TAP1: variants seen among roughly 807,000 people sequenced by gnomAD.
TAP1 encodes the protein transporter 1, ATP binding cassette subfamily B member.
Under a neutral mutation model 79.3 loss-of-function variants are expected in TAP1, and 56 were observed. The observed-to-expected ratio is 0.71, with a 90% confidence interval of 0.57 to 0.88. TAP1 has a LOEUF of 0.88. TAP1 is among the 40% of genes least tolerant of loss of function. The pLI is 0.00. For synonymous variants in TAP1, 355 were observed against 401.4 expected, an observed-to-expected ratio of 0.88 and a Z score of 1.38; for missense variants, 737 against 936.3, an observed-to-expected ratio of 0.79 and a Z score of 2.78.
At position 32,850,073 on chromosome 6, in the gene TAP1, A is replaced by G. The variant is rs1430747359; in HGVS notation, c.1248+247T>C. ...AAGGCCCTAGGACTGGAAGACACGCATCTCTCCAATCCACATGGTTGGGTG... is the reference window on the plus strand; with the variant it reads ...AAGGCCCTAGGACTGGAAGACACGCGTCTCTCCAATCCACATGGTTGGGTG... On this transcript the variant is annotated intron_variant, in intron 5 of 10. Coordinates refer to ENST00000354258, the MANE Select transcript of TAP1 (RefSeq NM_000593.6). The surrounding 1 kb of genome is among the most constrained non-coding windows in gnomAD (Gnocchi z 5.5). 13 of 599,812 alleles carry G rather than the reference A, an allele frequency of 2.2e-5. No individual in the cohort carries two copies. In the Admixed American group the frequency reaches 3.3e-4, roughly 15 times the overall value. The allele number at this position is 599,812 out of a possible 1,614,324, so 37.2% of individuals were successfully genotyped here.
Position 32,853,516 on chromosome 6 carries a change from G to T in TAP1, c.121C>A (p.Pro41Thr), listed in dbSNP as rs773802242. 1 of 1,609,632 alleles carries T rather than the reference G, an allele frequency of 6.2e-7. No individual in the cohort carries two copies. The highest frequency in any genetic ancestry group is 1.7e-5 in the Admixed American group (1 of 59,894). ...GGCACCAGCAGGGAGAATATGCGGG[G>T]CAGCGCGGTCCGGAGCAGCACCCAG... ...ADWVLLRTAL[P>T]RIFSLLVPTA... Residue 41 changes from proline to threonine, a missense_variant, in exon 1 of 11, where the codon CCC (proline) becomes ACC (threonine). Pro to Thr is a conservative substitution (Grantham distance 38). This residue lies in a region of TAP1 where 45 missense variants were observed against 60.2 expected (regional missense o/e 0.75). Transcript: ENST00000354258. The surrounding 1 kb of genome is among the most constrained non-coding windows in gnomAD (Gnocchi z 8.3).
Position 32,849,051 on chromosome 6 carries a change from A to G in TAP1, c.1316T>C (p.Val439Ala). ...IGGQLVTSGA[V>A]SSGNLVTFVL... ...AAATGTGACAAGGTTCCCACTGCTT[A>G]CAGCCCCACTGGTCACCAGCTGCCC... The change falls in exon 6 of 11, where the codon GTA (valine) becomes GCA (alanine). Residue 439 changes from valine (V) to alanine (A), a missense_variant. Physicochemically the swap from Val to Ala is moderately conservative, Grantham distance 64 (BLOSUM62 0). Coordinates refer to ENST00000354258, the MANE Select transcript of TAP1 (RefSeq NM_000593.6). 2 of 1,604,522 alleles carry G rather than the reference A, an allele frequency of 1.2e-6. No individual in the cohort carries two copies. Among genetic ancestry groups the G allele is most frequent in the Non-Finnish European group, 1.7e-6 (2 of 1,176,460 alleles).
At chr6:32,848,134 T>C (rs1562366040) in intron 7 of TAP1, 42 bp from the exon 8 acceptor site, 1 of 1,559,346 alleles carries the variant, frequency 6.4e-7, no homozygotes, top group South Asian at 1.2e-5. Flanking sequence ...TACCAAGGCC[T>C]CTAACCTTGA....
At position 32,848,887 on chromosome 6, in the gene TAP1, C is replaced by A. The variant is rs141581037; in HGVS notation, c.1378-47G>T. On this transcript the variant is annotated intron_variant, in intron 6 of 10. Transcript: ENST00000354258. ...GAAAGTGAGGTAGTCTGCTTGCCAGCATTATGTGAAGCAAGAAGGGTAAAG... is the reference window on the plus strand; with the variant it reads ...GAAAGTGAGGTAGTCTGCTTGCCAGAATTATGTGAAGCAAGAAGGGTAAAG... 7.0e-5 allele frequency: 113 copies of A among 1,612,882 alleles called. No homozygotes were observed. The East Asian group carries it at 2.5e-3, about 36-fold the overall frequency.
chr6:32,847,900 A>G lies in TAP1; in HGVS notation c.1740+19T>C. The G allele has an allele frequency of 6.2e-7, 1 of 1,613,096 alleles. No individual in the cohort carries two copies. Among genetic ancestry groups the G allele is most frequent in the Non-Finnish European group, 8.5e-7 (1 of 1,180,028 alleles). ...TATTTGATGCTCCCTGCCCTCCTTC[A>G]AGCCACCTGCTTCCATACCTGCCTG... is the stretch of plus-strand genomic sequence containing the variant. On this transcript the variant is annotated intron_variant, in intron 8 of 10. Coordinates refer to ENST00000354258, the MANE Select transcript of TAP1 (RefSeq NM_000593.6). This position sits in a 1 kb window ranked among gnomAD's most constrained non-coding sequence, Gnocchi z 4.7.
Position 32,850,343 on chromosome 6 carries a change from C to A in TAP1, c.1225G>T (p.Ala409Ser). The change falls in exon 5 of 11, where the codon GCA becomes TCA. Residue 409 changes from alanine (A) to serine (S), a missense_variant. By Grantham distance (99) the Ala-to-Ser change is moderately conservative (BLOSUM62 1). Transcript: ENST00000354258. The surrounding 1 kb of genome is among the most constrained non-coding windows in gnomAD (Gnocchi z 5.5). ...ACACTAGTGGTCCAGGAGTTGACTGCATAGGCCACAGCCTCCTTCTGGTTG... is the reference window on the plus strand; with the variant it reads ...ACACTAGTGGTCCAGGAGTTGACTGAATAGGCCACAGCCTCCTTCTGGTTG... ...TLNQKEAVAY[A>S]VNSWTTSISG... 1 of 1,614,268 alleles carries A rather than the reference C, an allele frequency of 6.2e-7. No individual in the cohort carries two copies. The highest frequency in any genetic ancestry group is 1.3e-5 in the African/African-American group (1 of 75,080).
In TAP1 at chr6:32,847,617, G is replaced by A. The variant is rs1770515237; in HGVS notation, c.1799C>T (p.Ala600Val). 6.2e-7 allele frequency: 1 copy of A among 1,614,018 alleles called. No individual in the cohort carries two copies. The highest frequency in any genetic ancestry group is 1.1e-5 in the South Asian group (1 of 91,068). The change falls in exon 9 of 11, where the codon GCC becomes GTC. Residue 600 changes from alanine to valine, a missense_variant. Transcript: ENST00000354258. This position sits in a 1 kb window ranked among gnomAD's most constrained non-coding sequence, Gnocchi z 4.7. ...VFGRSLQENI[A>V]YGLTQKPTME... Reference sequence around the variant, plus strand: ...AGTTGGCTTCTGGGTCAGGCCATAGGCAATATTTTCTTGAAGACTTCTTCC... The same window carrying A: ...AGTTGGCTTCTGGGTCAGGCCATAGACAATATTTTCTTGAAGACTTCTTCC...
rs770721925 is a variant in TAP1, at chr6:32,853,083, C to A, written c.554G>T (p.Arg185Leu). ...RLLGCLGSETRRLSLFLVLVV... is the reference protein window; with the variant it reads ...RLLGCLGSETLRLSLFLVLVV... Reference sequence around the variant, plus strand: ...CAGGACCAGGAACAGCGAGAGGCGGCGCGTCTCCGAGCCCAGGCAGCCTAG... The same window carrying A: ...CAGGACCAGGAACAGCGAGAGGCGGAGCGTCTCCGAGCCCAGGCAGCCTAG... The change falls in exon 1 of 11, where the codon CGC becomes CTC. Residue 185 changes from arginine (R) to leucine (L), a missense_variant. Coordinates refer to ENST00000354258, the MANE Select transcript of TAP1 (RefSeq NM_000593.6). This position sits in a 1 kb window ranked among gnomAD's most constrained non-coding sequence, Gnocchi z 8.3. The A allele has an allele frequency of 5.6e-6, 9 of 1,612,436 alleles. No homozygotes were observed. Among genetic ancestry groups the A allele is most frequent in the Non-Finnish European group, 7.6e-6 (9 of 1,179,986 alleles).
In TAP1 at chr6:32,853,009, T is replaced by A; in HGVS notation, c.598+30A>T. The A allele has an allele frequency of 6.3e-7, 1 of 1,598,634 alleles. No individual in the cohort carries two copies. On this transcript the variant is annotated intron_variant, in intron 1 of 10. Coordinates refer to ENST00000354258, the MANE Select transcript of TAP1 (RefSeq NM_000593.6). The surrounding 1 kb of genome is among the most constrained non-coding windows in gnomAD (Gnocchi z 8.3). Reference sequence around the variant, plus strand: ...TGATTCCTGTCCCAGTCCCCTTGTGTCCTCCCCTCTTGCCCTGCGTTCCCC... The same window carrying A: ...TGATTCCTGTCCCAGTCCCCTTGTGACCTCCCCTCTTGCCCTGCGTTCCCC...
chr6:32,847,174 C>T lies in TAP1; in HGVS notation c.1934G>A (p.Gly645Glu). The change falls in exon 10 of 11, where the codon GGG (glycine) becomes GAG (glutamate). Residue 645 changes from glycine to glutamate, a missense_variant. This residue lies in a region of TAP1 where 266 missense variants were observed against 332.4 expected (regional missense o/e 0.80). Coordinates refer to ENST00000354258, the MANE Select transcript of TAP1 (RefSeq NM_000593.6). The surrounding 1 kb of genome is among the most constrained non-coding windows in gnomAD (Gnocchi z 4.7). ...EVDEAGSQLS[G>E]GQRQAVALAR... ...CAACGCCACTGCCTGTCGCTGACCCCCTGACAGCTGGCTCCCAGCCTCGTC... is the reference window on the plus strand; with the variant it reads ...CAACGCCACTGCCTGTCGCTGACCCTCTGACAGCTGGCTCCCAGCCTCGTC... 2 of 1,612,586 alleles carry T rather than the reference C, an allele frequency of 1.2e-6. No individual in the cohort carries two copies. Among genetic ancestry groups the T allele is most frequent in the South Asian group, 1.1e-5 (1 of 91,084 alleles).
chr6:32,848,231 C>T, intron 7 of TAP1, 139 bp from the exon 8 acceptor site: 2 of 1,168,982 alleles, frequency 1.7e-6, no homozygotes, highest in East Asian at 2.6e-5. Context: ...CCCACATGCA[C>T]AGATTTCTGG....
intron 6 of TAP1, 58 bp downstream of exon 6, chr6:32,848,932 G>T (rs1452413082): frequency 6.2e-7 from 1 of 1,612,684 alleles, no homozygotes; most frequent in Non-Finnish European, 8.5e-7. Context: ...ACATCACACA[G>T]ATGGTGCTGG....
At position 32,850,328 on chromosome 6, in the gene TAP1, T is replaced by C; in HGVS notation, c.1240A>G (p.Thr414Ala). 2 of 1,614,244 alleles carry C rather than the reference T, an allele frequency of 1.2e-6. No individual in the cohort carries two copies. Among genetic ancestry groups the C allele is most frequent in the Admixed American group, 1.7e-5 (1 of 60,026 alleles). Residue 414 changes from threonine to alanine, a missense_variant, in exon 5 of 11, where the codon ACC becomes GCC. Transcript: ENST00000354258. The surrounding 1 kb of genome is among the most constrained non-coding windows in gnomAD (Gnocchi z 5.5). ...CATCTTCAGGTGCTCACACTAGTGG[T>C]CCAGGAGTTGACTGCATAGGCCACA... ...EAVAYAVNSW[T>A]TSISGMLLKV...
chr6:32,853,044 G>A lies in TAP1; in HGVS notation c.593C>T (p.Ser198Phe), dbSNP rs1251434507. Residue 198 changes from serine (S) to phenylalanine (F), a missense_variant, in exon 1 of 11, where the codon TCT becomes TTT. By Grantham distance (155) the Ser-to-Phe change is radical. Coordinates refer to ENST00000354258, the MANE Select transcript of TAP1 (RefSeq NM_000593.6). This position sits in a 1 kb window ranked among gnomAD's most constrained non-coding sequence, Gnocchi z 8.3. ...TTGCCCTGCGTTCCCCTTACCAAGA[G>A]AGGAGAGGACCACCAGGACCAGGAA... ...SLFLVLVVLS[S>F]LGEMAIPFFT... The A allele has an allele frequency of 1.2e-6, 2 of 1,611,986 alleles. No homozygotes were observed. The highest frequency in any genetic ancestry group is 1.1e-5 in the South Asian group (1 of 91,072).
chr6:32,850,613 G>T lies in TAP1; in HGVS notation c.1051-96C>A. On this transcript the variant is annotated intron_variant, in intron 4 of 10. Transcript: ENST00000354258. The surrounding 1 kb of genome is among the most constrained non-coding windows in gnomAD (Gnocchi z 5.5). ...TATTTGGAAATTAAAGGTGAGAAGA[G>T]ACAGAGGAAAAGGAGAAAAGAGAAA... The T allele has an allele frequency of 1.8e-6, 2 of 1,118,522 alleles. No homozygotes were observed. Among genetic ancestry groups the T allele is most frequent in the Non-Finnish European group, 2.6e-6 (2 of 755,990 alleles). The allele number at this position is 1,118,522 out of a possible 1,614,324, so 69.3% of individuals were successfully genotyped here.
rs754921274 is a variant in TAP1 at position 32,847,493 on chromosome 6, G to A, written c.1903+20C>T. Reference sequence around the variant, plus strand: ...GCAAAGGTAAAGATGGCTGGGTGGTGAGATGAGTGGAGAGAGTACCTGTGT... The same window carrying A: ...GCAAAGGTAAAGATGGCTGGGTGGTAAGATGAGTGGAGAGAGTACCTGTGT... On this transcript the variant is annotated intron_variant, in intron 9 of 10. Transcript: ENST00000354258. The surrounding 1 kb of genome is among the most constrained non-coding windows in gnomAD (Gnocchi z 4.7). 2 of 1,613,100 alleles carry A rather than the reference G, an allele frequency of 1.2e-6. No individual in the cohort carries two copies. Among genetic ancestry groups the A allele is most frequent in the Admixed American group, 1.7e-5 (1 of 60,028 alleles).
chr6:32,851,269 C>T lies in TAP1; in HGVS notation c.845-120G>A, dbSNP rs1429159032. ...TCAACATGGGGTTCTAAGGAGGCTG[C>T]AGGAAACAAGGTTAGGGTTCTCCAG... On this transcript the variant is annotated intron_variant, in intron 3 of 10. Transcript: ENST00000354258. The surrounding 1 kb of genome is among the most constrained non-coding windows in gnomAD (Gnocchi z 4.8). 2.1e-6 allele frequency: 2 copies of T among 967,276 alleles called. No individual in the cohort carries two copies. Among genetic ancestry groups the T allele is most frequent in the Non-Finnish European group, 3.2e-6 (2 of 621,756 alleles). The allele number at this position is 967,276 out of a possible 1,614,324, so 59.9% of individuals were successfully genotyped here.
chr6:32,850,274 G>T lies in TAP1; in HGVS notation c.1248+46C>A. On this transcript the variant is annotated intron_variant, in intron 5 of 10. Transcript: ENST00000354258. The surrounding 1 kb of genome is among the most constrained non-coding windows in gnomAD (Gnocchi z 5.5). ...GTCATAGGAATGGGAATGGAGTCAC[G>T]GCATCTTAAGGACAAGGGAATGGGT... is the stretch of plus-strand genomic sequence containing the variant. The T allele has an allele frequency of 6.3e-7, 1 of 1,585,876 alleles. No individual in the cohort carries two copies. Among genetic ancestry groups the T allele is most frequent in the Non-Finnish European group, 8.7e-7 (1 of 1,154,286 alleles).
Position 32,852,501 on chromosome 6 carries a change from C to T in TAP1, c.600G>A (p.Gly200=). 1.2e-6 allele frequency: 2 copies of T among 1,613,000 alleles called. No individual in the cohort carries two copies. Among genetic ancestry groups the T allele is most frequent in the Non-Finnish European group, 1.7e-6 (2 of 1,180,022 alleles). ...FLVLVVLSSL[G]EMAIPFFTGR... is the part of the protein sequence containing the mutation. ...CCGTAAAGAATGGAATGGCCATCTC[C>T]CCTGGAGAAAGAGAAGAGAGGTCAC... is the stretch of plus-strand genomic sequence containing the variant. The change falls in exon 2 of 11, where the codon GGG becomes GGA. Residue 200 remains glycine, a splice_region_variant and synonymous_variant. Transcript: ENST00000354258. The surrounding 1 kb of genome is among the most constrained non-coding windows in gnomAD (Gnocchi z 4.8).
Sources: gnomAD v4.1 joint callset for allele counts on GRCh38, gnomAD v4.1.1 for gene constraint, gnomAD v4.1.1 regional missense constraint, Gnocchi (gnomAD v3.1) non-coding constraint, MANE v1.5 for transcripts, NCBI Gene and HGNC (gene_info 2026-07-23, HGNC 2026-07-21) for gene names.